The following PNPLA6 variants were observed in gnomAD, a reference collection of about 807,000 sequenced individuals.
The protein encoded by PNPLA6 is patatin-like phospholipase domain-containing protein 6.
Under a neutral mutation model 153.7 loss-of-function variants are expected in PNPLA6, and 105 were observed. The ratio of observed to expected loss-of-function variants is 0.68; its 90% CI spans 0.58 to 0.80. The LOEUF is 0.80. Ranked by LOEUF, PNPLA6 falls within the 30% of genes least tolerant of loss-of-function variation. The pLI is 0.00. For missense variants in PNPLA6, 1,423 were observed against 1,919.3 expected, an observed-to-expected ratio of 0.74 and a Z score of 4.83; for synonymous variants, 825 against 822.2, an observed-to-expected ratio of 1.00 and a Z score of -0.06.
chr19:7,556,188 G>C (rs1470926437), intron 24 of PNPLA6, among the ~76,000 whole-genome samples: 3 of 149,976 alleles, frequency 2.0e-5, no homozygotes, highest in African/African-American at 4.9e-5. Flanking sequence ...TCAGCCTCAT[G>C]AGTAGCTGGG....
At chr19:7,535,479 A>T, upstream of PNPLA6, 2 of 1,495,952 alleles carry the variant, frequency 1.3e-6, no homozygotes, top group South Asian at 1.2e-5. This position sits in a 1 kb window ranked among gnomAD's most constrained non-coding sequence, Gnocchi z 5.0. Flanking sequence ...GACGACTTGC[A>T]CGGGTTCCTT....
At chr19:7,537,547 A>G (rs2022933819) in intron 3 of PNPLA6, among the ~76,000 whole-genome samples, 1 of 152,166 alleles carries the variant, frequency 6.6e-6, no homozygotes, top group African/African-American at 2.4e-5. Context: ...TGCGTCATGT[A>G]GTCTACCTGG....
chr19:7,536,044 T>G (rs1343303733), intron 1 of PNPLA6, 24 bp downstream of exon 1: 2 of 1,578,320 alleles, frequency 1.3e-6, no homozygotes, highest in South Asian at 2.3e-5. Flanking sequence ...GGGCCCCTCT[T>G]GGGAGGCTGT....
intron 27 of PNPLA6, among the ~76,000 whole-genome samples, chr19:7,557,830 G>A (rs558440383): frequency 5.3e-5 from 8 of 151,908 alleles, no homozygotes; most frequent in African/African-American, 1.2e-4. Context: ...ACCTGCTGGC[G>A]TGCTGTGTTA....
At chr19:7,547,803 A>G (rs2023446313) in intron 13 of PNPLA6, among the ~76,000 whole-genome samples, 1 of 54,284 alleles carries the variant, frequency 1.8e-5, no homozygotes, top group African/African-American at 7.0e-5. Flanking sequence ...ATGCCTGGCT[A>G]ATTAAAAATT....
At position 7,549,494 on chromosome 19, in the gene PNPLA6, C is replaced by CTTCTTCTTT. The variant is rs66673863; in HGVS notation, c.1609-411_1609-410insCTTCTTTTT. 7.9e-3 allele frequency among the ~76,000 whole-genome samples: 1,072 copies of CTTCTTCTTT among 136,346 alleles called. 10 individuals carry two copies. Among genetic ancestry groups the CTTCTTCTTT allele is most frequent in the African/African-American group, 0.011 (365 of 33,420 alleles). The allele number at this position is 136,346 out of a possible 152,430, so 89.4% of individuals were successfully genotyped here. ...AGCCACCGCGCCTGGCCTTCTTCTT[C>CTTCTTCTTT]TTTTTTTTTTTAAAGACAGTGTCTC... On this transcript the variant is annotated intron_variant, in intron 13 of 31. Transcript: ENST00000600737.
intron 13 of PNPLA6, among the ~76,000 whole-genome samples, chr19:7,543,741 C>T (rs1428783433): frequency 3.9e-5 from 6 of 152,152 alleles, no homozygotes; most frequent in Non-Finnish European, 7.3e-5. Flanking sequence ...TTCTCTGCTT[C>T]CTCATCAGTG....
chr19:7,537,368 A>T (rs1394266062), intron 3 of PNPLA6, among the ~76,000 whole-genome samples: 1 of 152,134 alleles, frequency 6.6e-6, no homozygotes, highest in Non-Finnish European at 1.5e-5. Flanking sequence ...AGTTCTTCCC[A>T]CACTAAGGAG....
chr19:7,551,262 A>C (rs1398540944), intron 17 of PNPLA6, 100 bp from the exon 18 acceptor site: 1 of 1,272,116 alleles, frequency 7.9e-7, no homozygotes. Context: ...GGTGGGACCC[A>C]GGTAACGGGC....
intron 13 of PNPLA6, among the ~76,000 whole-genome samples, chr19:7,544,066 G>A (rs148294119): frequency 0.025 from 3,814 of 151,816 alleles, 160 homozygotes; most frequent in African/African-American, 0.087. Flanking sequence ...GCCCGCCTAG[G>A]CCTTCCAAAG....
chr19:7,553,237 T>C (rs1196177671), intron 18 of PNPLA6, among the ~76,000 whole-genome samples: 2 of 152,122 alleles, frequency 1.3e-5, no homozygotes, highest in African/African-American at 4.8e-5. Context: ...GCTTTTCTTT[T>C]CTTGTCTTTG....
In PNPLA6 at chr19:7,561,489, A is replaced by G; in HGVS notation, c.4025A>G (p.Glu1342Gly). ...CGTGTGTGTGACCTTCCCTCGCAGG[A>G]GGAGGAGAAGTCGATTCTCCGGCAA... ...GASPSTASEM[E>G]EEKSILRQRR... Residue 1342 changes from glutamate to glycine, a missense_variant and splice_region_variant, in exon 32 of 32, where the codon GAG (glutamate) becomes GGG (glycine). By Grantham distance (98) the Glu-to-Gly change is moderately conservative. Around this residue, in one of 10 missense-constraint regions of PNPLA6, gnomAD observed 643 missense variants for 835.2 expected, o/e 0.77. Transcript: ENST00000600737. The G allele has an allele frequency of 6.2e-7, 1 of 1,606,004 alleles. No homozygotes were observed. Among genetic ancestry groups the G allele is most frequent in the Non-Finnish European group, 8.5e-7 (1 of 1,176,724 alleles).
chr19:7,551,106 A>C lies in PNPLA6; in HGVS notation c.2183A>C (p.Gln728Pro). 3.1e-6 allele frequency: 4 copies of C among 1,304,804 alleles called. No individual in the cohort carries two copies. Among genetic ancestry groups the C allele is most frequent in the Non-Finnish European group, 4.1e-6 (4 of 979,250 alleles). 80.8% of individuals were successfully genotyped at this position (1,304,804 alleles called of 1,614,324 possible). The change falls in exon 17 of 32, where the codon CAG becomes CCG. Residue 728 changes from glutamine (Q) to proline (P), a missense_variant and splice_region_variant. Around this residue, in one of 10 missense-constraint regions of PNPLA6, gnomAD observed 63 missense variants for 166.2 expected, o/e 0.38. Coordinates refer to ENST00000600737, the MANE Select transcript of PNPLA6 (RefSeq NM_001166114.2). ...TLGHIKRRYPQVVTRLIHLLS... is the reference protein window; with the variant it reads ...TLGHIKRRYPPVVTRLIHLLS... ...GGTCACATCAAACGCCGGTACCCGC[A>C]GGTGCGGCCTGTTGTGGGCGGGGCA...
In PNPLA6 at chr19:7,535,778, C is replaced by T. The variant is rs561078094; in HGVS notation, c.-11C>T. The T allele has an allele frequency of 1.5e-5, 23 of 1,534,486 alleles. No homozygotes were observed. The highest frequency in any genetic ancestry group is 2.0e-5 in the Non-Finnish European group (23 of 1,145,118). The stretch of plus-strand genomic sequence containing the variant: ...CCCCCGGGGAGGGAGCAGCACTGGC[C>T]CATTCTGCAGATGGGGACATCGAGT... On this transcript the variant is annotated 5_prime_UTR_variant, in exon 1 of 32. Transcript: ENST00000600737. This position sits in a 1 kb window ranked among gnomAD's most constrained non-coding sequence, Gnocchi z 5.0.
intron 27 of PNPLA6, among the ~76,000 whole-genome samples, chr19:7,558,554 C>A (rs2023979517): frequency 6.6e-6 from 1 of 152,174 alleles, no homozygotes. Flanking sequence ...GTTGCTTGAA[C>A]CCGGGAGGTG....
chr19:7,556,320 C>G (rs1161958440), intron 24 of PNPLA6, 133 bp from the exon 25 acceptor site: 7 of 763,938 alleles, frequency 9.2e-6, no homozygotes, highest in African/African-American at 8.5e-5. Context: ...GCCTTGGCCT[C>G]CAAAGTGCTG....
At chr19:7,556,973 G>A (rs1482750342) in intron 26 of PNPLA6, 195 bp from the exon 27 acceptor site, 8 of 709,268 alleles carry the variant, frequency 1.1e-5, no homozygotes, top group Non-Finnish European at 2.0e-5. Flanking sequence ...CAGGCTGTGT[G>A]TGGCGTTACG....
rs563824405 is a variant in PNPLA6, at chr19:7,550,443, C to G, written c.1946+14C>G. On this transcript the variant is annotated intron_variant, in intron 15 of 31. Coordinates refer to ENST00000600737, the MANE Select transcript of PNPLA6 (RefSeq NM_001166114.2). Reference sequence around the variant, plus strand: ...CGCGCTGTACAGGTGCAGCTCCCACCGCGCTGCTCAGGCCCGGCCTAGGGG... The same window carrying G: ...CGCGCTGTACAGGTGCAGCTCCCACGGCGCTGCTCAGGCCCGGCCTAGGGG... 1 of 1,611,558 alleles carries G rather than the reference C, an allele frequency of 6.2e-7. No homozygotes were observed. Among genetic ancestry groups the G allele is most frequent in the Non-Finnish European group, 8.5e-7 (1 of 1,179,730 alleles).
rs76701076 is a variant in PNPLA6, at chr19:7,553,828, T to C, written c.2261-47T>C. ...AGAGGAGGAGGAGGGTTCATCTCTC[T>C]GGACACAGGTTCGCACCACAAATCT... On this transcript the variant is annotated intron_variant, in intron 18 of 31. Coordinates refer to ENST00000600737, the MANE Select transcript of PNPLA6 (RefSeq NM_001166114.2). 2,494 of 1,613,460 alleles carry C rather than the reference T, an allele frequency of 1.5e-3. 39 individuals carry two copies. The East Asian group carries it at 0.045, about 29-fold the overall frequency.
Sources: gnomAD v4.1 joint callset for allele counts (sites outside exome capture counted in the v4.1 genomes callset) on GRCh38, gnomAD v4.1.1 for gene constraint, gnomAD v4.1.1 regional missense constraint, Gnocchi (gnomAD v3.1) non-coding constraint, MANE v1.5 for transcripts, NCBI Gene and HGNC (gene_info 2026-07-23, HGNC 2026-07-21) for gene names.